Variants in ALDH9A1 observed in about 807,000 individuals in gnomAD.
ALDH9A1 encodes the protein 4-trimethylaminobutyraldehyde dehydrogenase.
Under a neutral mutation model 56.6 loss-of-function variants are expected in ALDH9A1, and 42 were observed. The ratio of observed to expected loss-of-function variants is 0.74; its 90% CI spans 0.58 to 0.96. The LOEUF (loss-of-function observed/expected upper bound fraction) is 0.96. Among genes scored for constraint, ALDH9A1 ranks in the 40% least tolerant of loss-of-function variants. The pLI, the probability that ALDH9A1 is intolerant of heterozygous loss-of-function variation, is 0.00. For synonymous variants in ALDH9A1, 242 were observed against 236.0 expected, an observed-to-expected ratio of 1.03 and a Z score of -0.23; for missense variants, 661 against 651.5, an observed-to-expected ratio of 1.01 and a Z score of -0.16.
At chr1:165,673,896 G>A (rs1649259587) in intron 6 of ALDH9A1, among the ~76,000 whole-genome samples, 1 of 152,098 alleles carries the variant, frequency 6.6e-6, no homozygotes, top group African/African-American at 2.4e-5. Context: ...GTACTGGACT[G>A]CATTCCCAAG....
chr1:165,662,723 C>G lies in ALDH9A1; in HGVS notation c.*327G>C, dbSNP rs565881746. ...TCTTTGAAATACGCCAGAGAATTAA[C>G]ATTATCAGTGGGCCAAATGTGTGGA... On this transcript the variant is annotated 3_prime_UTR_variant, in exon 11 of 11. Transcript: ENST00000354775. 126 of 235,074 alleles carry G rather than the reference C, an allele frequency of 5.4e-4. No homozygotes were observed. In the Middle Eastern group the frequency reaches 0.014, roughly 25 times the overall value. 14.6% of individuals were successfully genotyped at this position (235,074 alleles called of 1,614,324 possible). A position where few individuals can be genotyped will look rare whatever the true frequency, so the allele number is the denominator to read the frequency against.
chr1:165,675,688 G>A (rs1649335587), intron 6 of ALDH9A1, among the ~76,000 whole-genome samples: 1 of 152,104 alleles, frequency 6.6e-6, no homozygotes, highest in Non-Finnish European at 1.5e-5. Context: ...CAGCAAGGAT[G>A]GGGGAAATAA....
At position 165,672,025 on chromosome 1, in the gene ALDH9A1, T is replaced by C. The variant is rs567384357; in HGVS notation, c.931-2575A>G. ...GTGCATTGCTTGTAGAAATGTAAAA[T>C]GGTGCTGCCATTGTAGGGCACAGTA... On this transcript the variant is annotated intron_variant, in intron 6 of 10. Coordinates refer to ENST00000354775, the MANE Select transcript of ALDH9A1 (RefSeq NM_000696.4). 1.3e-4 allele frequency among the ~76,000 whole-genome samples: 20 copies of C among 152,336 alleles called. No homozygotes were observed. In the South Asian group the frequency reaches 2.9e-3, roughly 22 times the overall value.
intron 10 of ALDH9A1, 42 bp from the exon 11 acceptor site, chr1:165,663,186 T>C: frequency 6.6e-7 from 1 of 1,513,162 alleles, no homozygotes; most frequent in Non-Finnish European, 9.2e-7. Context: ...ATCACTACAA[T>C]AGTCTGAAAA....
intron 6 of ALDH9A1, among the ~76,000 whole-genome samples, chr1:165,675,581 A>C (rs1408045784): frequency 6.6e-6 from 1 of 152,198 alleles, no homozygotes; most frequent in African/African-American, 2.4e-5. Flanking sequence ...AGTACACAGG[A>C]TGGGGAGCAG....
intron 6 of ALDH9A1, among the ~76,000 whole-genome samples, chr1:165,672,850 T>C (rs1370329040): frequency 1.3e-5 from 2 of 151,996 alleles, no homozygotes; most frequent in African/African-American, 4.8e-5. Context: ...AGTGGGAATA[T>C]CACTTGAGCT....
At chr1:165,682,277 CT>C in intron 3 of ALDH9A1, 36 bp from the exon 4 acceptor site, 22 of 1,603,920 alleles carry the variant, frequency 1.4e-5, no homozygotes, top group Non-Finnish European at 1.9e-5. Context: ...GGATGCAGGT[CT>C]GTGCTCCCCA....
rs751921595 is a variant in ALDH9A1 at position 165,680,632 on chromosome 1, A to T, written c.644T>A (p.Leu215Gln). ...PSPFTPVSAL[L>Q]LAEIYSEAGV... ...AGCCTCACTGTAGATTTCAGCCAGT[A>T]GCAATGCAGAAACAGGTGTAAAGGG... Residue 215 changes from leucine (L) to glutamine (Q), a missense_variant, in exon 5 of 11, where the codon CTA becomes CAA. Transcript: ENST00000354775. 6.2e-7 allele frequency: 1 copy of T among 1,614,134 alleles called. No individual in the cohort carries two copies. Among genetic ancestry groups the T allele is most frequent in the East Asian group, 2.2e-5 (1 of 44,888 alleles).
rs1571175625 is a variant in ALDH9A1 at position 165,680,472 on chromosome 1, T to C, written c.789+15A>G. 6.2e-7 allele frequency: 1 copy of C among 1,613,032 alleles called. No individual in the cohort carries two copies. The highest frequency in any genetic ancestry group is 8.5e-7 in the Non-Finnish European group (1 of 1,179,736). Reference sequence around the variant, plus strand: ...AAATGCCATGTGTGTTGACCAATACTGGTTTTGTCCTCACCTTCATGCCAG... The same window carrying C: ...AAATGCCATGTGTGTTGACCAATACCGGTTTTGTCCTCACCTTCATGCCAG... On this transcript the variant is annotated intron_variant, in intron 5 of 10. Transcript: ENST00000354775.
At chr1:165,682,876 C>A (rs1252199651) in intron 3 of ALDH9A1, 105 bp downstream of exon 3, 2 of 1,347,350 alleles carry the variant, frequency 1.5e-6, no homozygotes, top group Non-Finnish European at 2.0e-6. Context: ...AAACCCAAGA[C>A]TTTCACCCAG....
At chr1:165,693,839 G>A (rs914636112) in intron 2 of ALDH9A1, among the ~76,000 whole-genome samples, 5 of 152,110 alleles carry the variant, frequency 3.3e-5, no homozygotes, top group African/African-American at 9.7e-5. Flanking sequence ...TGATAGACTG[G>A]ATTAAGAAAA....
chr1:165,682,302 A>C, intron 3 of ALDH9A1, 61 bp from the exon 4 acceptor site: 1 of 1,567,168 alleles, frequency 6.4e-7, no homozygotes, highest in Non-Finnish European at 8.7e-7. Flanking sequence ...TTTCACCAAC[A>C]TCTGTACCAG....
intron 8 of ALDH9A1, among the ~76,000 whole-genome samples, chr1:165,668,400 T>C (rs1649071761): frequency 6.6e-6 from 1 of 152,164 alleles, no homozygotes; most frequent in Admixed American, 6.5e-5. Context: ...TTGCTCTCTC[T>C]TTCACCATGT....
At chr1:165,681,983 C>G in intron 4 of ALDH9A1, 124 bp downstream of exon 4, 1 of 1,334,970 alleles carries the variant, frequency 7.5e-7, no homozygotes, top group Non-Finnish European at 1.0e-6. Context: ...CTTTGAATAT[C>G]CCAGAGCAGG....
At chr1:165,675,118 T>C (rs1205900841) in intron 6 of ALDH9A1, among the ~76,000 whole-genome samples, 1 of 152,002 alleles carries the variant, frequency 6.6e-6, no homozygotes, top group Non-Finnish European at 1.5e-5. Context: ...TCGCTTGAGC[T>C]CCAGGGGCGA....
intron 6 of ALDH9A1, chr1:165,671,460 C>G (rs1489132022): frequency 2.2e-6 from 1 of 448,426 alleles, no homozygotes; most frequent in Non-Finnish European, 4.4e-6. Flanking sequence ...TGATGCTGCA[C>G]AAGTACGATT....
intron 6 of ALDH9A1, chr1:165,671,781 A>AC (rs928130783): frequency 2.7e-4 from 71 of 267,542 alleles, no homozygotes; most frequent in Non-Finnish European, 4.4e-4. Flanking sequence ...TAACAAACAA[A>AC]AAAAAAAGAA....
intron 1 of ALDH9A1, chr1:165,698,129 C>T (rs1650153235): frequency 6.7e-6 from 7 of 1,044,042 alleles, no homozygotes; most frequent in Non-Finnish European, 8.8e-6. Flanking sequence ...TCTGTTCTGG[C>T]CCGGGTAAAA....
intron 6 of ALDH9A1, among the ~76,000 whole-genome samples, chr1:165,677,163 A>G (rs963197169): frequency 1.7e-4 from 25 of 151,446 alleles, no homozygotes; most frequent in African/African-American, 6.1e-4. Flanking sequence ...ACTTGAGCCC[A>G]GGAGTTCAAG....
Sources: gnomAD v4.1 joint callset for allele counts (sites outside exome capture counted in the v4.1 genomes callset) on GRCh38, gnomAD v4.1.1 for gene constraint, MANE v1.5 for transcripts, NCBI Gene and HGNC (gene_info 2026-07-23, HGNC 2026-07-21) for gene names.